The following FNIP1 variants were observed in gnomAD, a reference collection of about 807,000 sequenced individuals.
FNIP1 encodes the protein folliculin-interacting protein 1.
In FNIP1, 40 loss-of-function variants were observed where a neutral mutation model predicts 124.5. The observed-to-expected ratio is 0.32, with a 90% confidence interval of 0.25 to 0.42. The LOEUF is 0.42. Ranked by LOEUF, FNIP1 falls within the 10% of genes least tolerant of loss-of-function variation. FNIP1 has a pLI of 1.00. For missense variants in FNIP1, 1,176 were observed against 1,403.7 expected (o/e 0.84, Z 2.59); for synonymous variants, 472 against 470.6 (o/e 1.00, Z -0.04).
rs762140148 is a variant in FNIP1 at position 131,744,550 on chromosome 5, A to G, written c.219+14T>C. ...TCAACATTAAAAGTCAACCAAATCA[A>G]TAATGATGCTCACCGATACTGATAT... On this transcript the variant is annotated intron_variant, in intron 2 of 17. Transcript: ENST00000510461. 6.3e-7 allele frequency: 1 copy of G among 1,575,234 alleles called. No individual in the cohort carries two copies. Among genetic ancestry groups the G allele is most frequent in the East Asian group, 2.4e-5 (1 of 42,504 alleles).
chr5:131,778,473 G>A (rs13163540), intron 1 of FNIP1, among the ~76,000 whole-genome samples: 17 of 146,534 alleles, frequency 1.2e-4, no homozygotes, highest in African/African-American at 2.3e-4. Context: ...TTAGAATGGC[G>A]ATCATTAAAA....
chr5:131,737,479 A>T (rs188819294), intron 2 of FNIP1, among the ~76,000 whole-genome samples: 2 of 152,260 alleles, frequency 1.3e-5, no homozygotes, highest in East Asian at 3.9e-4. Flanking sequence ...ATGTCTTTCC[A>T]GCTCTCTCAA....
In FNIP1 at chr5:131,718,975, T is replaced by C; in HGVS notation, c.530+11A>G. The C allele has an allele frequency of 1.9e-6, 3 of 1,610,804 alleles. No homozygotes were observed. Among genetic ancestry groups the C allele is most frequent in the Non-Finnish European group, 2.5e-6 (3 of 1,177,254 alleles). On this transcript the variant is annotated intron_variant, in intron 5 of 17. Coordinates refer to ENST00000510461, the MANE Select transcript of FNIP1 (RefSeq NM_133372.3). ...AGTGATACATTTCCCCCTGTATCCA[T>C]AAGCACTTACGTATTGAGACTCCCA...
intron 5 of FNIP1, 105 bp downstream of exon 5, chr5:131,718,881 G>C (rs1458157035): frequency 1.1e-6 from 1 of 878,746 alleles, no homozygotes; most frequent in Non-Finnish European, 1.8e-6. Flanking sequence ...CTTAAGGAAA[G>C]ACAGAAAATC....
At chr5:131,651,400 A>G (rs1767035321) in intron 16 of FNIP1, among the ~76,000 whole-genome samples, 4 of 152,156 alleles carry the variant, frequency 2.6e-5, no homozygotes, top group Admixed American at 2.6e-4. Context: ...TCTCAAACAA[A>G]CAAAAAACCC....
At chr5:131,785,277 G>A (rs566650080) in intron 1 of FNIP1, among the ~76,000 whole-genome samples, 2 of 151,406 alleles carry the variant, frequency 1.3e-5, no homozygotes, top group East Asian at 1.9e-4. Flanking sequence ...CAAGTAGGCC[G>A]GGCACAGTGG....
intron 1 of FNIP1, among the ~76,000 whole-genome samples, chr5:131,785,136 T>TATAGTC (rs1772153229): frequency 6.6e-5 from 1 of 15,136 alleles, no homozygotes; most frequent in Non-Finnish European, 2.7e-4. Flanking sequence ...TATATGACTA[T>TATAGTC]ATATATAGTC....
In FNIP1 at chr5:131,697,288, T is replaced by C. The variant is rs551329598; in HGVS notation, c.1202+1629A>G. 9.2e-5 allele frequency among the ~76,000 whole-genome samples: 14 copies of C among 152,244 alleles called. No individual in the cohort carries two copies. The South Asian group carries it at 2.5e-3, about 27-fold the overall frequency. The stretch of plus-strand genomic sequence containing the variant: ...TAGTGTACACAATGTGGTATACAAA[T>C]ACACATTTATTATTATTTTTGTGAC... On this transcript the variant is annotated intron_variant, in intron 11 of 17. Transcript: ENST00000510461.
At chr5:131,756,238 G>A (rs1771048402) in intron 1 of FNIP1, among the ~76,000 whole-genome samples, 1 of 152,064 alleles carries the variant, frequency 6.6e-6, no homozygotes, top group Non-Finnish European at 1.5e-5. Context: ...AATATTCCAT[G>A]TAAAAAAGGA....
At chr5:131,729,748 T>G (rs865858104) in intron 3 of FNIP1, among the ~76,000 whole-genome samples, 1 of 152,026 alleles carries the variant, frequency 6.6e-6, no homozygotes, top group Middle Eastern at 3.4e-3. Flanking sequence ...CAGCTAATTT[T>G]TTTTTTCTTT....
intron 10 of FNIP1, among the ~76,000 whole-genome samples, chr5:131,702,777 C>T (rs931872236): frequency 6.6e-6 from 1 of 152,180 alleles, no homozygotes; most frequent in African/African-American, 2.4e-5. Context: ...AAAGTGATCA[C>T]TCCTTCCTTG....
chr5:131,749,012 T>TA (rs1039227079), intron 1 of FNIP1, among the ~76,000 whole-genome samples: 1 of 152,146 alleles, frequency 6.6e-6, no homozygotes, highest in Admixed American at 6.5e-5. Context: ...ACAAAAAGGT[T>TA]AAAAAAATTT....
intron 5 of FNIP1, among the ~76,000 whole-genome samples, chr5:131,718,273 C>A (rs1461669489): frequency 1.3e-5 from 2 of 151,888 alleles, no homozygotes; most frequent in African/African-American, 4.8e-5. Flanking sequence ...CTCTTCCAAA[C>A]AGGTCTTTTT....
rs1299325542 is a variant in FNIP1 at position 131,693,347 on chromosome 5, T to TATATATAC, written c.1202+5569_1202+5570insGTATATAT. 7.1e-5 allele frequency among the ~76,000 whole-genome samples: 9 copies of TATATATAC among 127,270 alleles called. No individual in the cohort carries two copies. In the East Asian group the frequency reaches 1.3e-3, roughly 18 times the overall value. The allele number at this position is 127,270 out of a possible 152,430, so 83.5% of individuals were successfully genotyped here. On this transcript the variant is annotated intron_variant, in intron 11 of 17. Transcript: ENST00000510461. ...ATATATATATACATATATATATATA[T>TATATATAC]ATATATATATATATAGTTACAGAGA...
chr5:131,670,418 CAG>C lies in FNIP1; in HGVS notation c.3108+43_3108+44del, dbSNP rs756763026. On this transcript the variant is annotated intron_variant, in intron 15 of 17. Transcript: ENST00000510461. ...GGCAATTTTGGGTTCTGCTGCTTAA[CAG>C]AGTTTCTTCTAAATAAACTCAAAAA... The C allele has an allele frequency of 1.7e-5, 25 of 1,473,820 alleles. 1 individual carries two copies. The South Asian group carries it at 3.4e-4, about 20-fold the overall frequency. 91.3% of individuals were successfully genotyped at this position (1,473,820 alleles called of 1,614,324 possible).
Position 131,673,049 on chromosome 5 carries a change from TTG to T in FNIP1, c.1520-127_1520-126del, listed in dbSNP as rs2149515479. 6 of 698,048 alleles carry T rather than the reference TTG, an allele frequency of 8.6e-6. No individual in the cohort carries two copies. The South Asian group carries it at 1.1e-4, about 13-fold the overall frequency. 43.2% of individuals were successfully genotyped at this position (698,048 alleles called of 1,614,324 possible). ...AATAGTTTAGGTTTTACTCGTTTTT[TTG>T]TTTTTTTTTTTTTTGAGACAGGGTC... On this transcript the variant is annotated intron_variant, in intron 13 of 17. Transcript: ENST00000510461.
chr5:131,766,401 A>G (rs1450960006), intron 1 of FNIP1, among the ~76,000 whole-genome samples: 2 of 151,982 alleles, frequency 1.3e-5, no homozygotes, highest in Admixed American at 6.6e-5. Context: ...CTCCAATCCA[A>G]ATGTTTAAAT....
intron 2 of FNIP1, among the ~76,000 whole-genome samples, chr5:131,741,364 C>T (rs1770507928): frequency 6.6e-6 from 1 of 152,100 alleles, no homozygotes; most frequent in Middle Eastern, 3.2e-3. Context: ...TTACATAAGA[C>T]ACTATTTGAG....
intron 17 of FNIP1, among the ~76,000 whole-genome samples, chr5:131,645,433 T>C (rs1446557327): frequency 6.6e-6 from 1 of 151,996 alleles, no homozygotes; most frequent in Non-Finnish European, 1.5e-5. Flanking sequence ...CACAAATTTA[T>C]AGGAAAAGAA....
Sources: gnomAD v4.1 joint callset for allele counts (sites outside exome capture counted in the v4.1 genomes callset) on GRCh38, gnomAD v4.1.1 for gene constraint, MANE v1.5 for transcripts, NCBI Gene and HGNC (gene_info 2026-07-23, HGNC 2026-07-21) for gene names.